The following BYSL variants were observed in gnomAD, a reference collection of about 807,000 sequenced individuals.
BYSL encodes bystin.
BYSL carries 21 observed loss-of-function variants against 45.4 expected under a neutral mutation model. The ratio of observed to expected loss-of-function variants is 0.46; its 90% CI spans 0.33 to 0.67. The LOEUF (loss-of-function observed/expected upper bound fraction) is 0.67. Among genes scored for constraint, BYSL ranks in the 30% least tolerant of loss-of-function variants. BYSL has a pLI of 0.02. For synonymous variants in BYSL, 215 were observed against 231.3 expected (o/e 0.93, Z 0.64); for missense variants, 522 against 578.5 (o/e 0.90, Z 1.00).
At chr6:41,920,317 G>A (rs1234285735), upstream of BYSL, among the ~76,000 whole-genome samples, 2 of 152,112 alleles carry the variant, frequency 1.3e-5, no homozygotes, top group Non-Finnish European at 1.5e-5. Context: ...ATTAGAAACA[G>A]ACACAAGCGG....
At chr6:41,917,189 CAGG>C (rs751679178), upstream of BYSL, among the ~76,000 whole-genome samples, 1 of 152,078 alleles carries the variant, frequency 6.6e-6, no homozygotes, top group Non-Finnish European at 1.5e-5. Flanking sequence ...ATCACGAAGT[CAGG>C]AGTTCAAGAC....
the BYSL span, among the ~76,000 whole-genome samples, chr6:41,911,503 G>A: frequency 3.9e-5 from 6 of 152,006 alleles, no homozygotes; most frequent in African/African-American, 7.2e-5. Flanking sequence ...AGTTATTACC[G>A]AGGAAAGACC....
chr6:41,916,617 G>A (rs1775321309), upstream of BYSL, among the ~76,000 whole-genome samples: 1 of 151,996 alleles, frequency 6.6e-6, no homozygotes, highest in South Asian at 2.1e-4. Flanking sequence ...GCTTTCAAAG[G>A]CCCTATTCTA....
At chr6:41,911,851 T>C in the BYSL span, among the ~76,000 whole-genome samples, 2 of 152,114 alleles carry the variant, frequency 1.3e-5, no homozygotes, top group African/African-American at 4.8e-5. Context: ...ACTTCTCGAC[T>C]CTGAAGAAAA....
chr6:41,921,552 T>C lies in BYSL; in HGVS notation c.-11T>C, dbSNP rs752836269. The C allele has an allele frequency of 4.5e-6, 7 of 1,555,106 alleles. No individual in the cohort carries two copies. Among genetic ancestry groups the C allele is most frequent in the Non-Finnish European group, 6.1e-6 (7 of 1,148,876 alleles). Reference sequence around the variant, plus strand: ...CACGTGCGATCCTTCCCGGCAACTTTTTCGAGAAAAATGCCCAAATTCAAG... The same window carrying C: ...CACGTGCGATCCTTCCCGGCAACTTCTTCGAGAAAAATGCCCAAATTCAAG... On this transcript the variant is annotated 5_prime_UTR_variant, in exon 1 of 7. Coordinates refer to ENST00000230340, the MANE Select transcript of BYSL (RefSeq NM_004053.4).
chr6:41,909,317 C>T, the BYSL span: 3 of 1,614,184 alleles, frequency 1.9e-6, no homozygotes, highest in African/African-American at 2.7e-5. Flanking sequence ...CCGTGCCCAC[C>T]TTCACCAGGA....
chr6:41,921,104 C>A, upstream of BYSL: 1 of 1,554,870 alleles, frequency 6.4e-7, no homozygotes, highest in South Asian at 1.1e-5. Context: ...AGTTCCCCAA[C>A]ACAACCTTCT....
upstream of BYSL, chr6:41,921,088 T>C: frequency 1.3e-6 from 2 of 1,591,228 alleles, no homozygotes; most frequent in Non-Finnish European, 1.7e-6. Context: ...CCACAGAAAC[T>C]CCTTCAGTTC....
intron 1 of BYSL, among the ~76,000 whole-genome samples, chr6:41,922,373 T>C (rs1463522918): frequency 6.6e-6 from 1 of 152,194 alleles, no homozygotes; most frequent in Admixed American, 6.5e-5. Context: ...AGAAAACACA[T>C]TGTTTAGCAG....
In BYSL at chr6:41,932,674, G is replaced by A. The variant is rs1171485160; in HGVS notation, c.1282G>A (p.Asp428Asn). 11 of 1,612,528 alleles carry A rather than the reference G, an allele frequency of 6.8e-6. No homozygotes were observed. The highest frequency in any genetic ancestry group is 1.6e-4 in the Middle Eastern group (1 of 6,078). ...RRELQSAVPR[D>N]VEDVPITVE is the part of the protein sequence containing the mutation. ...TGAGCTTCAGAGTGCAGTCCCCCGC[G>A]ATGTGGAAGATGTTCCCATCACCGT... is the stretch of plus-strand genomic sequence containing the variant. Residue 428 changes from aspartate to asparagine, a missense_variant, in exon 7 of 7, where the codon GAT becomes AAT. By Grantham distance (23) the Asp-to-Asn change is conservative (BLOSUM62 1). Coordinates refer to ENST00000230340, the MANE Select transcript of BYSL (RefSeq NM_004053.4). This position sits in a 1 kb window ranked among gnomAD's most constrained non-coding sequence, Gnocchi z 4.7.
At chr6:41,927,011 A>G (rs1415964056) in intron 1 of BYSL, among the ~76,000 whole-genome samples, 1 of 151,094 alleles carries the variant, frequency 6.6e-6, no homozygotes, top group East Asian at 2.0e-4. Context: ...GGAGAATGGC[A>G]TGAACCCGGG....
the BYSL span, among the ~76,000 whole-genome samples, chr6:41,914,021 GAAGAGTCC>G: frequency 6.6e-6 from 1 of 152,194 alleles, no homozygotes; most frequent in African/African-American, 2.4e-5. Context: ...ACTGTACTGG[GAAGAGTCC>G]AAAAAGAGCC....
chr6:41,918,225 CG>C (rs1561940168), upstream of BYSL, among the ~76,000 whole-genome samples: 15 of 152,120 alleles, frequency 9.9e-5, no homozygotes. Context: ...AGGAAACTGC[CG>C]GGCATGGTGG....
Position 41,921,750 on chromosome 6 carries a change from G to A in BYSL, c.188G>A (p.Arg63Gln), listed in dbSNP as rs1479184213. The stretch of plus-strand genomic sequence containing the variant: ...AGCCGACGGATTTTGCAGCAAGCAC[G>A]GCAGCAACAGGAGGAACTCGAGGCC... ...RLSRRILQQA[R>Q]QQQEELEAEH... Residue 63 changes from arginine to glutamine, a missense_variant, in exon 1 of 7, where the codon CGG becomes CAG. Physicochemically the swap from Arg to Gln is conservative, Grantham distance 43. Transcript: ENST00000230340. 6 of 1,613,494 alleles carry A rather than the reference G, an allele frequency of 3.7e-6. No individual in the cohort carries two copies. The African/African-American group carries it at 8.0e-5, about 22-fold the overall frequency.
intron 1 of BYSL, among the ~76,000 whole-genome samples, chr6:41,923,265 C>G (rs1044627008): frequency 1.3e-5 from 2 of 152,056 alleles, no homozygotes; most frequent in Non-Finnish European, 2.9e-5. Context: ...CCTCAGCCTC[C>G]CACGTAGCTG....
chr6:41,923,978 C>T (rs1178852243), intron 1 of BYSL, among the ~76,000 whole-genome samples: 1 of 152,134 alleles, frequency 6.6e-6, no homozygotes, highest in Non-Finnish European at 1.5e-5. Flanking sequence ...CTCAGAGAGG[C>T]CTATCCACTC....
chr6:41,914,541 CTG>C, the BYSL span, among the ~76,000 whole-genome samples: 2 of 152,154 alleles, frequency 1.3e-5, no homozygotes, highest in East Asian at 3.9e-4. Flanking sequence ...GTGATAAACA[CTG>C]TGCCATGGAA....
the BYSL span, chr6:41,909,308 C>G: frequency 3.1e-6 from 5 of 1,613,964 alleles, no homozygotes; most frequent in Non-Finnish European, 4.2e-6. Flanking sequence ...CCATTGTGAC[C>G]GTGCCCACCT....
rs749730728 is a variant in BYSL, at chr6:41,927,267, A to G, written c.269-107A>G. The G allele has an allele frequency of 2.2e-5, 30 of 1,385,938 alleles. No homozygotes were observed. In the South Asian group the frequency reaches 2.7e-4, roughly 12 times the overall value. The allele number at this position is 1,385,938 out of a possible 1,614,324, so 85.9% of individuals were successfully genotyped here. ...TGTTTCACTGCACATACCTGCGTCT[A>G]TCACAACCACATGTGAGGCCTGTAC... On this transcript the variant is annotated intron_variant, in intron 1 of 6. Transcript: ENST00000230340.
Sources: allele counts gnomAD v4.1 joint callset (sites outside exome capture counted in the v4.1 genomes callset), GRCh38; gene constraint gnomAD v4.1.1; non-coding constraint Gnocchi (gnomAD v3.1); transcripts MANE v1.5; gene names NCBI Gene and HGNC (gene_info 2026-07-23, HGNC 2026-07-21).